The following OTUD7B variants were observed in gnomAD, a reference collection of about 807,000 sequenced individuals.
OTUD7B encodes the protein OTU deubiquitinase 7B, also known as OTU domain-containing protein 7B.
OTUD7B carries 34 observed loss-of-function variants against 82.2 expected under a neutral mutation model. The ratio of observed to expected loss-of-function variants is 0.41; its 90% CI spans 0.31 to 0.55. The LOEUF is 0.55. Ranked by LOEUF, OTUD7B falls within the 20% of genes least tolerant of loss-of-function variation. OTUD7B has a pLI of 0.20. For missense variants in OTUD7B, 944 were observed against 1,062.1 expected (o/e 0.89, Z 1.55); for synonymous variants, 398 against 402.7 (o/e 0.99, Z 0.14).
At chr1:150,008,916 T>C (rs895658632) in intron 1 of OTUD7B, among the ~76,000 whole-genome samples, 1 of 152,208 alleles carries the variant, frequency 6.6e-6, no homozygotes, top group Non-Finnish European at 1.5e-5. Context: ...GGAGGTGCTC[T>C]GAGGCAAGCT....
chr1:150,030,900 C>A, the OTUD7B span, among the ~76,000 whole-genome samples: 6 of 151,910 alleles, frequency 3.9e-5, no homozygotes, highest in Non-Finnish European at 8.8e-5. Context: ...TTTTGAGAGA[C>A]TTTTGCTCTT....
chr1:150,024,531 G>C, the OTUD7B span, among the ~76,000 whole-genome samples: 2 of 152,266 alleles, frequency 1.3e-5, no homozygotes, highest in Non-Finnish European at 2.9e-5. Context: ...TCAAAAACTG[G>C]AGAAATTAAT....
At chr1:149,999,614 A>G (rs1553784208) in intron 1 of OTUD7B, among the ~76,000 whole-genome samples, 1 of 152,240 alleles carries the variant, frequency 6.6e-6, no homozygotes, top group African/African-American at 2.4e-5. Flanking sequence ...CTATAGTCCC[A>G]GCTACTCACA....
chr1:149,942,997 G>A lies in OTUD7B; in HGVS notation c.*860C>T, dbSNP rs1228708905. On this transcript the variant is annotated 3_prime_UTR_variant, in exon 12 of 12. Coordinates refer to ENST00000581312, the MANE Select transcript of OTUD7B (RefSeq NM_020205.4). ...TCCCAAGGTGCACTCAAACCCCAAC[G>A]TATGGTTATTGCTGTGGTTAAAAAA... 3 of 152,398 alleles carry A rather than the reference G, an allele frequency of 2.0e-5. No individual in the cohort carries two copies. Among genetic ancestry groups the A allele is most frequent in the South Asian group, 4.2e-4 (2 of 4,808 alleles). The allele number at this position is 152,398 out of a possible 1,614,324, so 9.4% of individuals were successfully genotyped here.
rs1367353985 is a variant in OTUD7B at position 149,938,484 on chromosome 1, C to T, written c.*5373G>A. 6.4e-4 allele frequency: 1 copy of T among 1,566 alleles called. No homozygotes were observed. Among genetic ancestry groups the T allele is most frequent in the Non-Finnish European group, 1.6e-3 (1 of 638 alleles). 0.1% of individuals were successfully genotyped at this position (1,566 alleles called of 1,614,324 possible). A position where few individuals can be genotyped will look rare whatever the true frequency, so the allele number is the denominator to read the frequency against. ...GCAAAAAAAAAAAAAAAAAAAAAGA[C>T]ATAGGAAGAGGTGTGTACCATAACT... is the stretch of plus-strand genomic sequence containing the variant. On this transcript the variant is annotated 3_prime_UTR_variant, in exon 12 of 12. Coordinates refer to ENST00000581312, the MANE Select transcript of OTUD7B (RefSeq NM_020205.4).
At chr1:149,950,723 G>A (rs1275815923) in intron 7 of OTUD7B, among the ~76,000 whole-genome samples, 2 of 150,932 alleles carry the variant, frequency 1.3e-5, no homozygotes, top group Non-Finnish European at 2.9e-5. Flanking sequence ...AATATTTATT[G>A]TGCTTTTATC....
chr1:150,059,053 C>CTTTTTTTTTTTTT, the OTUD7B span, among the ~76,000 whole-genome samples: 23 of 125,456 alleles, frequency 1.8e-4, no homozygotes, highest in Non-Finnish European at 2.7e-4. Flanking sequence ...ACTTTCTTTT[C>CTTTTTTTTTTTTT]TTTTTTTTTT....
At chr1:150,049,476 T>C in the OTUD7B span, among the ~76,000 whole-genome samples, 1 of 152,164 alleles carries the variant, frequency 6.6e-6, no homozygotes, top group Non-Finnish European at 1.5e-5. Context: ...TTTTGTGCCA[T>C]GAACAGAGGA....
At chr1:149,982,384 T>C (rs1553779906) in intron 1 of OTUD7B, among the ~76,000 whole-genome samples, 1 of 152,130 alleles carries the variant, frequency 6.6e-6, no homozygotes, top group Non-Finnish European at 1.5e-5. Flanking sequence ...TTCTTGCCCA[T>C]TTAATTTGTT....
chr1:149,949,859 G>A, intron 8 of OTUD7B, 81 bp from the exon 9 acceptor site: 2 of 1,446,770 alleles, frequency 1.4e-6, no homozygotes, highest in Non-Finnish European at 1.9e-6. Flanking sequence ...TGCCAACTGA[G>A]TCCCTCCCTG....
chr1:150,024,181 C>T, the OTUD7B span, among the ~76,000 whole-genome samples: 1 of 152,174 alleles, frequency 6.6e-6, no homozygotes, highest in African/African-American at 2.4e-5. Flanking sequence ...CTAGTTCCTC[C>T]TTAGCTTTTC....
intron 1 of OTUD7B, among the ~76,000 whole-genome samples, chr1:150,000,849 C>T (rs1398147425): frequency 4.6e-5 from 7 of 151,902 alleles, no homozygotes; most frequent in African/African-American, 9.7e-5. Context: ...CACTGTGGCA[C>T]GCACCTGTAA....
At chr1:150,058,135 G>T in the OTUD7B span, among the ~76,000 whole-genome samples, 1 of 152,158 alleles carries the variant, frequency 6.6e-6, no homozygotes, top group Non-Finnish European at 1.5e-5. Context: ...TATTCGCTCA[G>T]CCCCCAATAA....
chr1:150,050,768 T>C, the OTUD7B span, among the ~76,000 whole-genome samples: 2 of 152,144 alleles, frequency 1.3e-5, no homozygotes, highest in Non-Finnish European at 2.9e-5. Context: ...GAGCCTGTTC[T>C]TGGTGATTCA....
At chr1:149,978,210 CA>C (rs1553779017) in intron 1 of OTUD7B, among the ~76,000 whole-genome samples, 1 of 152,118 alleles carries the variant, frequency 6.6e-6, no homozygotes, top group East Asian at 1.9e-4. Context: ...TAAAATTACT[CA>C]AAATACAGTA....
rs1417007809 is a variant in OTUD7B, at chr1:149,942,760, AG to A, written c.*1096del. ...CATTCTCCAAAAGTAGAGCAAAGGG[AG>A]AAAGAACCACTTAAGTAGGAGGAAA... On this transcript the variant is annotated 3_prime_UTR_variant, in exon 12 of 12. Coordinates refer to ENST00000581312, the MANE Select transcript of OTUD7B (RefSeq NM_020205.4). 1 of 152,610 alleles carries A rather than the reference AG, an allele frequency of 6.6e-6. No homozygotes were observed. The highest frequency in any genetic ancestry group is 2.4e-5 in the African/African-American group (1 of 41,438). 9.5% of individuals were successfully genotyped at this position (152,610 alleles called of 1,614,324 possible).
At chr1:150,011,496 T>C (rs1450123251), upstream of OTUD7B, among the ~76,000 whole-genome samples, 2 of 152,324 alleles carry the variant, frequency 1.3e-5, no homozygotes, top group East Asian at 3.9e-4. Context: ...CTATATTATA[T>C]GTAGCAGAAC....
chr1:149,980,041 A>T (rs1181872473), intron 1 of OTUD7B, among the ~76,000 whole-genome samples: 7 of 152,052 alleles, frequency 4.6e-5, no homozygotes, highest in African/African-American at 1.7e-4. Flanking sequence ...AGCAAAAAGG[A>T]AAAGAGTTGA....
chr1:149,988,553 G>A (rs1651350398), intron 1 of OTUD7B, among the ~76,000 whole-genome samples: 1 of 152,140 alleles, frequency 6.6e-6, no homozygotes, highest in Non-Finnish European at 1.5e-5. Context: ...AGTTATTTGG[G>A]AAATTTAATA....
Sources: gnomAD v4.1 joint callset for allele counts (sites outside exome capture counted in the v4.1 genomes callset) on GRCh38, gnomAD v4.1.1 for gene constraint, MANE v1.5 for transcripts, NCBI Gene and HGNC (gene_info 2026-07-23, HGNC 2026-07-21) for gene names.